RPL14: variants seen among roughly 807,000 people sequenced by gnomAD.
The protein encoded by RPL14 is ribosomal protein L14, also known as large ribosomal subunit protein eL14.
In RPL14, 4 loss-of-function variants were observed where a neutral mutation model predicts 25.3. That is an observed-to-expected ratio of 0.16 (90% confidence interval 0.08 to 0.36). The LOEUF is 0.36. RPL14 is among the 10% of genes least tolerant of loss of function. The pLI is 1.00. For synonymous variants in RPL14, 75 were observed against 89.8 expected (o/e 0.84, Z 0.93); for missense variants, 212 against 261.9 (o/e 0.81, Z 1.31).
At chr3:40,458,787 T>C (rs1696883334) in intron 3 of RPL14, 51 bp downstream of exon 3, 2 of 1,469,468 alleles carry the variant, frequency 1.4e-6, no homozygotes, top group Non-Finnish European at 1.9e-6. Flanking sequence ...TTGTTTATGC[T>C]AGTAAAAGTT....
chr3:40,457,357 C>G lies in RPL14; in HGVS notation c.-115C>G. 1 of 1,606,758 alleles carries G rather than the reference C, an allele frequency of 6.2e-7. No individual in the cohort carries two copies. Among genetic ancestry groups the G allele is most frequent in the Non-Finnish European group, 8.5e-7 (1 of 1,176,584 alleles). ...CTTCTTCCTTCTCGCCTAACGCCGC[C>G]AACATGGTGAGTCTTACTGTTGCGG... On this transcript the variant is annotated 5_prime_UTR_variant, in exon 1 of 6. Coordinates refer to ENST00000396203, the MANE Select transcript of RPL14 (RefSeq NM_001034996.3).
chr3:40,457,551 C>A, intron 1 of RPL14, 77 bp downstream of exon 1: 1 of 1,286,022 alleles, frequency 7.8e-7, no homozygotes, highest in Non-Finnish European at 1.1e-6. Context: ...TCGCCGCTGG[C>A]GAGCGCGTGG....
At position 40,457,389 on chromosome 3, in the gene RPL14, G is replaced by A; in HGVS notation, c.-83G>A. The A allele has an allele frequency of 6.2e-7, 1 of 1,603,178 alleles. No homozygotes were observed. The highest frequency in any genetic ancestry group is 8.5e-7 in the Non-Finnish European group (1 of 1,174,486). The stretch of plus-strand genomic sequence containing the variant: ...GTGAGTCTTACTGTTGCGGGCTCCG[G>A]GGCCGTCGACCATGCCGCTCGACCT... On this transcript the variant is annotated 5_prime_UTR_variant, in exon 1 of 6. Coordinates refer to ENST00000396203, the MANE Select transcript of RPL14 (RefSeq NM_001034996.3).
chr3:40,464,170 G>A lies in RPL14; in HGVS notation c.*1938G>A, dbSNP rs12633446. 0.58 allele frequency: 174,173 copies of A among 298,918 alleles called. 53,837 individuals carry two copies. Among genetic ancestry groups the A allele is most frequent in the Non-Finnish European group, 0.69 (102,420 of 149,258 alleles). The allele number at this position is 298,918 out of a possible 1,614,324, so 18.5% of individuals were successfully genotyped here. A position where few individuals can be genotyped will look rare whatever the true frequency, so the allele number is the denominator to read the frequency against. On this transcript the variant is annotated 3_prime_UTR_variant, in exon 6 of 6. Transcript: ENST00000396203. ...AGATGGGGTTTTGCCATGTCAGCCA[G>A]ACTGGTCTTGAACTCCTGACCTCAG... is the stretch of plus-strand genomic sequence containing the variant.
At position 40,462,452 on chromosome 3, in the gene RPL14, C is replaced by G. The variant is rs562226825; in HGVS notation, c.*220C>G. On this transcript the variant is annotated 3_prime_UTR_variant, in exon 6 of 6. Transcript: ENST00000396203. ...ACTGCAGTGGCGCTATCTCGGCTCA[C>G]TGTAAGTTCCACCTCCCGGGTTCAT... 179 of 437,612 alleles carry G rather than the reference C, an allele frequency of 4.1e-4. No individual in the cohort carries two copies. The South Asian group carries it at 6.3e-3, about 16-fold the overall frequency. 27.1% of individuals were successfully genotyped at this position (437,612 alleles called of 1,614,324 possible).
Position 40,461,434 on chromosome 3 carries a change from C to T in RPL14, c.228C>T (p.Ala76=). 1.2e-6 allele frequency: 2 copies of T among 1,614,122 alleles called. No individual in the cohort carries two copies. The highest frequency in any genetic ancestry group is 1.7e-6 in the Non-Finnish European group (2 of 1,180,028). The change falls in exon 4 of 6, where the codon GCC becomes GCT. Residue 76 remains alanine, a synonymous_variant. Coordinates refer to ENST00000396203, the MANE Select transcript of RPL14 (RefSeq NM_001034996.3). Reference sequence around the variant, plus strand: ...CCCACCAGAAGTATGTCCGACAAGCCTGGCAGAAGGCAGACATCAATACAA... The same window carrying T: ...CCCACCAGAAGTATGTCCGACAAGCTTGGCAGAAGGCAGACATCAATACAA... ...HSAHQKYVRQ[A]WQKADINTKW... is the part of the protein sequence containing the mutation.
rs6801185 is a variant in RPL14, at chr3:40,463,569, C to T, written c.*1337C>T. 0.64 allele frequency: 97,104 copies of T among 152,052 alleles called. 31,329 individuals are homozygous for T. The highest frequency in any genetic ancestry group is 0.7 in the Non-Finnish European group (47,403 of 67,994). The allele number at this position is 152,052 out of a possible 1,614,324, so 9.4% of individuals were successfully genotyped here. On this transcript the variant is annotated 3_prime_UTR_variant, in exon 6 of 6. Coordinates refer to ENST00000396203, the MANE Select transcript of RPL14 (RefSeq NM_001034996.3). Reference sequence around the variant, plus strand: ...GCAAGTATAAAAATTGCAGGTTGAGCATATTTCTAATCCAAAAAGCTCTAA... The same window carrying T: ...GCAAGTATAAAAATTGCAGGTTGAGTATATTTCTAATCCAAAAAGCTCTAA...
chr3:40,462,345 A>T lies in RPL14; in HGVS notation c.*113A>T. The T allele has an allele frequency of 2.7e-5, 23 of 851,294 alleles. No individual in the cohort carries two copies. Among genetic ancestry groups the T allele is most frequent in the Non-Finnish European group, 3.7e-5 (21 of 568,030 alleles). The allele number at this position is 851,294 out of a possible 1,614,324, so 52.7% of individuals were successfully genotyped here. On this transcript the variant is annotated 3_prime_UTR_variant, in exon 6 of 6. Transcript: ENST00000396203. ...AGTTAGGAGGCAGATTGATAGTAGG[A>T]TTATAATAAACATTAAATAATCAGT...
At position 40,466,465 on chromosome 3, in the gene RPL14, G is replaced by C. The variant is rs1437412736; in HGVS notation, c.*4233G>C. ...GGAGGCTGAGGCAGGTGAATCAGGG[G>C]TTCAAGACCAGCCTGGCCAATGTGG... On this transcript the variant is annotated 3_prime_UTR_variant, in exon 6 of 6. Coordinates refer to ENST00000396203, the MANE Select transcript of RPL14 (RefSeq NM_001034996.3). 7.1e-6 allele frequency: 1 copy of C among 140,514 alleles called. No homozygotes were observed. Among genetic ancestry groups the C allele is most frequent in the Non-Finnish European group, 1.5e-5 (1 of 66,590 alleles). The allele number at this position is 140,514 out of a possible 1,614,324, so 8.7% of individuals were successfully genotyped here.
At chr3:40,461,708 AAGGGAGC>A (rs1271000528) in intron 5 of RPL14, 47 bp downstream of exon 5, 1 of 1,530,316 alleles carries the variant, frequency 6.5e-7, no homozygotes, top group Admixed American at 2.1e-5. Flanking sequence ...TTTAAATAAT[AAGGGAGC>A]AGTAGCCAAA....
chr3:40,459,916 C>T (rs1406480948), intron 3 of RPL14, among the ~76,000 whole-genome samples: 3 of 146,454 alleles, frequency 2.0e-5, no homozygotes, highest in African/African-American at 7.6e-5. Context: ...CACTGTGGGA[C>T]GTGTATTAAC....
Position 40,461,674 on chromosome 3 carries a change from A to T in RPL14, c.354+13A>T, listed in dbSNP as rs1044196220. The T allele has an allele frequency of 6.3e-7, 1 of 1,594,396 alleles. No homozygotes were observed. Among genetic ancestry groups the T allele is most frequent in the South Asian group, 1.2e-5 (1 of 86,718 alleles). Reference sequence around the variant, plus strand: ...GGCAAAGAAAATGGTAAGATTTAAGATCTGTATTTTTGTGTAACTTAGCTT... The same window carrying T: ...GGCAAAGAAAATGGTAAGATTTAAGTTCTGTATTTTTGTGTAACTTAGCTT... On this transcript the variant is annotated intron_variant, in intron 5 of 5. Transcript: ENST00000396203.
Position 40,458,687 on chromosome 3 carries a change from C to G in RPL14, c.151C>G (p.Pro51Ala). 1.2e-6 allele frequency: 2 copies of G among 1,614,178 alleles called. No individual in the cohort carries two copies. The highest frequency in any genetic ancestry group is 1.7e-6 in the Non-Finnish European group (2 of 1,180,024). Reference sequence around the variant, plus strand: ...CACTCAAGTGAGGAGACAGGCCATGCCTTTCAAGTGCATGCAGCTCACTGA... The same window carrying G: ...CACTCAAGTGAGGAGACAGGCCATGGCTTTCAAGTGCATGCAGCTCACTGA... ...PCTQVRRQAM[P>A]FKCMQLTDFI... Residue 51 changes from proline to alanine, a missense_variant, in exon 3 of 6, where the codon CCT becomes GCT. Transcript: ENST00000396203.
At chr3:40,460,786 T>C (rs1233683728) in intron 3 of RPL14, among the ~76,000 whole-genome samples, 1 of 152,094 alleles carries the variant, frequency 6.6e-6, no homozygotes, top group East Asian at 1.9e-4. Flanking sequence ...TTCACTATGT[T>C]GGCCAACCTG....
chr3:40,457,782 A>G (rs2276871), intron 1 of RPL14, 108 bp from the exon 2 acceptor site: 736,386 of 1,092,376 alleles, frequency 0.67, 250,398 homozygotes, highest in African/African-American at 0.73. Context: ...TGTTCCCTGC[A>G]GCATTCTTTT....
chr3:40,461,542 CTTT>C, intron 4 of RPL14, 36 bp downstream of exon 4: 2 of 1,609,822 alleles, frequency 1.2e-6, no homozygotes, highest in Non-Finnish European at 1.7e-6. Flanking sequence ...CTGGTCCTTT[CTTT>C]TTTTGGAGGG....
chr3:40,458,415 A>G (rs56319532), intron 2 of RPL14: 15,385 of 566,886 alleles, frequency 0.027, 288 homozygotes, highest in South Asian at 0.036. Context: ...ATGGGGTACT[A>G]TATAGTTTAA....
rs1472838936 is a variant in RPL14 at position 40,463,789 on chromosome 3, A to G, written c.*1557A>G. 6.6e-6 allele frequency: 1 copy of G among 152,310 alleles called. No individual in the cohort carries two copies. The highest frequency in any genetic ancestry group is 1.5e-5 in the Non-Finnish European group (1 of 68,146). The allele number at this position is 152,310 out of a possible 1,614,324, so 9.4% of individuals were successfully genotyped here. On this transcript the variant is annotated 3_prime_UTR_variant, in exon 6 of 6. Coordinates refer to ENST00000396203, the MANE Select transcript of RPL14 (RefSeq NM_001034996.3). ...AGGTCCCATCCCCAAAGTGTCATGT[A>G]TATGCACTTAACTCCAACATCAGAA... is the stretch of plus-strand genomic sequence containing the variant.
Position 40,465,485 on chromosome 3 carries a change from AGGTG to A in RPL14, c.*3257_*3260del, listed in dbSNP as rs1697014992. The A allele has an allele frequency of 6.6e-6, 1 of 152,166 alleles. No homozygotes were observed. The highest frequency in any genetic ancestry group is 1.5e-5 in the Non-Finnish European group (1 of 68,046). The allele number at this position is 152,166 out of a possible 1,614,324, so 9.4% of individuals were successfully genotyped here. ...CCTTTACGTGAGGAAAAGGAAGAAA[AGGTG>A]GGTTTAGATACTAAATCTGTAGGTT... On this transcript the variant is annotated 3_prime_UTR_variant, in exon 6 of 6. Coordinates refer to ENST00000396203, the MANE Select transcript of RPL14 (RefSeq NM_001034996.3).
Sources: allele counts gnomAD v4.1 joint callset (sites outside exome capture counted in the v4.1 genomes callset), GRCh38; gene constraint gnomAD v4.1.1; transcripts MANE v1.5; gene names NCBI Gene and HGNC (gene_info 2026-07-23, HGNC 2026-07-21).